Variants in PIGN observed in about 807,000 individuals in gnomAD.
The protein encoded by PIGN is GPI ethanolamine phosphate transferase 1.
A neutral mutation model predicts 125.4 loss-of-function variants in PIGN; 117 were observed. The ratio of observed to expected loss-of-function variants is 0.93; its 90% confidence interval spans 0.80 to 1.09. The LOEUF is 1.09. Among genes scored for constraint, PIGN ranks in the 50% least tolerant of loss-of-function variants. PIGN has a pLI of 0.00. For missense variants in PIGN, 1,075 were observed against 1,094.9 expected (o/e 0.98, Z 0.26); for synonymous variants, 392 against 377.8 (o/e 1.04, Z -0.44).
chr18:62,167,921 C>T (rs1346942451), intron 1 of PIGN, among the ~76,000 whole-genome samples: 4 of 151,626 alleles, frequency 2.6e-5, no homozygotes, highest in African/African-American at 7.3e-5. Context: ...CAGCCAGGTG[C>T]GGTGGCTCAC....
chr18:62,180,665 C>T (rs994332), intron 1 of PIGN, among the ~76,000 whole-genome samples: 13,029 of 152,052 alleles, frequency 0.086, 675 homozygotes, highest in South Asian at 0.19. Context: ...TATTCATATC[C>T]TTTGATCAGA....
intron 30 of PIGN, among the ~76,000 whole-genome samples, chr18:62,061,539 T>A (rs55756372): frequency 0.25 from 9,793 of 39,948 alleles, 325 homozygotes; most frequent in Non-Finnish European, 0.29. Context: ...AAAAAAAAAA[T>A]GCAATAAAAT....
intron 30 of PIGN, among the ~76,000 whole-genome samples, chr18:62,048,958 T>C (rs1311416315): frequency 6.6e-6 from 1 of 151,194 alleles, no homozygotes; most frequent in Non-Finnish European, 1.5e-5. Flanking sequence ...CGGTGTTTGG[T>C]TTTTTGTCCT....
At chr18:62,171,219 T>C (rs1346406463) in intron 1 of PIGN, among the ~76,000 whole-genome samples, 5 of 152,240 alleles carry the variant, frequency 3.3e-5, no homozygotes, top group Non-Finnish European at 7.3e-5. Flanking sequence ...ACATCATTTT[T>C]AAATACCATC....
At position 62,148,164 on chromosome 18, in the gene PIGN, T is replaced by C. The variant is rs1218470882; in HGVS notation, c.674+50A>G. 6.3e-6 allele frequency: 9 copies of C among 1,418,238 alleles called. No homozygotes were observed. The East Asian group carries it at 1.8e-4, about 29-fold the overall frequency. 87.9% of individuals were successfully genotyped at this position (1,418,238 alleles called of 1,614,324 possible). A position where few individuals can be genotyped will look rare whatever the true frequency, so the allele number is the denominator to read the frequency against. On this transcript the variant is annotated intron_variant, in intron 8 of 30. Coordinates refer to ENST00000640252, the MANE Select transcript of PIGN (RefSeq NM_176787.5). ...GAAAACTTTATAATAAAAAGTTCAA[T>C]AGAATAGCTGTTGCCCTAAAAAATA...
At chr18:62,108,653 C>A (rs2146478503) in intron 17 of PIGN, among the ~76,000 whole-genome samples, 1 of 151,766 alleles carries the variant, frequency 6.6e-6, no homozygotes, top group East Asian at 1.9e-4. Context: ...TGCAGTGGTG[C>A]AATCTTGGCT....
At chr18:62,089,268 T>G (rs17062581) in intron 24 of PIGN, among the ~76,000 whole-genome samples, 1,925 of 152,234 alleles carry the variant, frequency 0.013, 48 homozygotes, top group African/African-American at 0.044. Flanking sequence ...TGTCCCTCTA[T>G]TAATTCTATT....
intron 20 of PIGN, among the ~76,000 whole-genome samples, chr18:62,103,195 T>A (rs1178359213): frequency 1.3e-5 from 2 of 152,250 alleles, no homozygotes; most frequent in Admixed American, 6.5e-5. Context: ...TTTAAAAAAA[T>A]TTTAGGCATA....
chr18:62,185,293 T>C (rs1027784279), intron 1 of PIGN, among the ~76,000 whole-genome samples: 1 of 152,208 alleles, frequency 6.6e-6, no homozygotes, highest in African/African-American at 2.4e-5. Context: ...GCCATTTCAA[T>C]TCTATTTGGG....
At chr18:62,184,432 G>A (rs774882683) in intron 1 of PIGN, 4 of 152,056 alleles carry the variant, frequency 2.6e-5, no homozygotes, top group East Asian at 1.9e-4. Flanking sequence ...AGTAGTGATC[G>A]GTAATTTTTA....
At position 62,139,236 on chromosome 18, in the gene PIGN, T is replaced by A. The variant is rs144903457; in HGVS notation, c.1024-161A>T. ...TTTTTAAAACTATAACTGAAAGATG[T>A]TCTATTATTTTTCTCACAAAGTAGA... On this transcript the variant is annotated intron_variant, in intron 12 of 30. Transcript: ENST00000640252. 9.6e-4 allele frequency among the ~76,000 whole-genome samples: 147 copies of A among 152,336 alleles called. 1 individual carries two copies. The highest frequency in any genetic ancestry group is 3.4e-3 in the African/African-American group (143 of 41,586).
At chr18:62,059,585 A>T (rs2031990082) in intron 30 of PIGN, among the ~76,000 whole-genome samples, 1 of 152,214 alleles carries the variant, frequency 6.6e-6, no homozygotes, top group African/African-American at 2.4e-5. Context: ...TTTATATGAA[A>T]TGTCCACAAT....
At chr18:62,125,914 T>C (rs1244950267) in intron 14 of PIGN, among the ~76,000 whole-genome samples, 1 of 152,080 alleles carries the variant, frequency 6.6e-6, no homozygotes, top group Admixed American at 6.6e-5. Context: ...TCACAAAGAA[T>C]AATTTGGAAA....
chr18:62,023,493 C>T (rs143213175), intron 23 of PIGN, among the ~76,000 whole-genome samples: 3,233 of 152,298 alleles, frequency 0.021, 58 homozygotes, highest in Admixed American at 0.045. Context: ...GTCACAATCA[C>T]TTTCCTCATT....
chr18:62,146,146 A>G, intron 9 of PIGN, 121 bp from the exon 10 acceptor site: 1 of 434,126 alleles, frequency 2.3e-6, no homozygotes, highest in Non-Finnish European at 4.1e-6. Flanking sequence ...TAGTGACTAC[A>G]TTACCAAATG....
intron 1 of PIGN, among the ~76,000 whole-genome samples, chr18:62,180,202 T>C (rs4940548): frequency 0.58 from 88,513 of 152,074 alleles, 26,573 homozygotes; most frequent in East Asian, 0.78. Flanking sequence ...ACAATAGGAT[T>C]GGATAAAATA....
chr18:62,106,320 A>C (rs2034637235), intron 19 of PIGN, among the ~76,000 whole-genome samples: 1 of 152,096 alleles, frequency 6.6e-6, no homozygotes, highest in Non-Finnish European at 1.5e-5. Flanking sequence ...ATGTAGCTGA[A>C]GGAAGAAAAT....
At chr18:62,184,262 TG>T in intron 1 of PIGN, among the ~76,000 whole-genome samples, 1 of 152,202 alleles carries the variant, frequency 6.6e-6, no homozygotes, top group Admixed American at 6.5e-5. Flanking sequence ...ATGATTGACG[TG>T]CTTTGAAAAA....
intron 9 of PIGN, 130 bp from the exon 10 acceptor site, chr18:62,146,155 T>G: frequency 2.4e-6 from 1 of 420,528 alleles, no homozygotes; most frequent in Non-Finnish European, 4.3e-6. Flanking sequence ...CATTACCAAA[T>G]GGTTACAACC....
Sources: allele counts gnomAD v4.1 joint callset (sites outside exome capture counted in the v4.1 genomes callset), GRCh38; gene constraint gnomAD v4.1.1; transcripts MANE v1.5; gene names NCBI Gene and HGNC (gene_info 2026-07-23, HGNC 2026-07-21).